The following RALY variants were observed in gnomAD, a reference collection of about 807,000 sequenced individuals.
RALY encodes the protein RALY heterogeneous nuclear ribonucleoprotein.
RALY carries 15 observed loss-of-function variants against 30.7 expected under a neutral mutation model. The ratio of observed to expected loss-of-function variants is 0.49; its 90% CI spans 0.33 to 0.75. The LOEUF is 0.75. RALY is among the 30% of genes least tolerant of loss of function. The probability of loss-of-function intolerance (pLI) is 0.02; values close to 1 mark genes in which losing one functional copy is unlikely to be tolerated. For missense variants in RALY, 339 were observed against 414.3 expected (o/e 0.82, Z 1.58); for synonymous variants, 177 against 170.8 (o/e 1.04, Z -0.28).
intron 1 of RALY, among the ~76,000 whole-genome samples, chr20:34,001,496 A>G (rs2122973269): frequency 6.6e-6 from 1 of 152,222 alleles, no homozygotes; most frequent in Middle Eastern, 3.4e-3. Context: ...TGGAAGCTTA[A>G]TGTTATTGGC....
chr20:34,052,852 G>C (rs1276341170), intron 2 of RALY, among the ~76,000 whole-genome samples: 1 of 152,064 alleles, frequency 6.6e-6, no homozygotes, highest in Non-Finnish European at 1.5e-5. Flanking sequence ...GATCCTGAGA[G>C]GGGTTTGAAG....
intron 2 of RALY, among the ~76,000 whole-genome samples, chr20:34,052,234 G>A (rs1286279764): frequency 6.6e-6 from 1 of 152,216 alleles, no homozygotes; most frequent in Non-Finnish European, 1.5e-5. Context: ...GGAACGAGTT[G>A]AGAGTGCAAT....
intron 3 of RALY, among the ~76,000 whole-genome samples, chr20:34,072,837 G>T (rs994578952): frequency 6.6e-6 from 1 of 152,054 alleles, no homozygotes; most frequent in African/African-American, 2.4e-5. Context: ...TTTGAAAAGG[G>T]GTATCTGTAT....
chr20:34,073,686 A>G (rs1389876841), intron 4 of RALY, 51 bp downstream of exon 4: 5 of 1,543,744 alleles, frequency 3.2e-6, no homozygotes, highest in Non-Finnish European at 4.5e-6. Context: ...CTCTCTTTCC[A>G]CAGAGGGAGT....
At position 34,072,222 on chromosome 20, in the gene RALY, G is replaced by A. The variant is rs757213955; in HGVS notation, c.148G>A (p.Gly50Ser). Residue 50 changes from glycine (G) to serine (S), a missense_variant, in exon 3 of 10, where the codon GGC becomes AGC. Physicochemically the swap from Gly to Ser is moderately conservative, Grantham distance 56 (BLOSUM62 0). Around this residue, in one of 2 missense-constraint regions of RALY, gnomAD observed 71 missense variants for 133.7 expected, o/e 0.53. Coordinates refer to ENST00000246194, the MANE Select transcript of RALY (RefSeq NM_016732.3). The stretch of plus-strand genomic sequence containing the variant: ...CTTCTCTAAGTATGGCCGTGTGGCC[G>A]GCTGTTCTGTGCACAAGGGCTATGC... ...TIFSKYGRVAGCSVHKGYAFV... is the reference protein window; with the variant it reads ...TIFSKYGRVASCSVHKGYAFV... 1.9e-6 allele frequency: 3 copies of A among 1,614,230 alleles called. No individual in the cohort carries two copies. Among genetic ancestry groups the A allele is most frequent in the South Asian group, 1.1e-5 (1 of 91,078 alleles).
chr20:34,008,626 G>A (rs887403111), intron 1 of RALY, among the ~76,000 whole-genome samples: 2 of 152,166 alleles, frequency 1.3e-5, no homozygotes, highest in African/African-American at 4.8e-5. Context: ...TATCTGGCCT[G>A]TGTACATATT....
chr20:33,996,651 ACATAAAATTTAC>A (rs1485488274), intron 1 of RALY, among the ~76,000 whole-genome samples: 2 of 152,128 alleles, frequency 1.3e-5, no homozygotes, highest in Non-Finnish European at 2.9e-5. Context: ...AATATATATA[ACATAAAATTTAC>A]CATTTAACCG....
intron 3 of RALY, 64 bp from the exon 4 acceptor site, chr20:34,073,499 A>T (rs1163872118): frequency 2.1e-6 from 3 of 1,429,004 alleles, no homozygotes; most frequent in African/African-American, 1.4e-5. Flanking sequence ...CGTGTGCATG[A>T]GGTTGATGTG....
intron 5 of RALY, 140 bp from the exon 6 acceptor site, chr20:34,075,734 G>A: frequency 1.0e-6 from 1 of 955,940 alleles, no homozygotes; most frequent in Non-Finnish European, 1.5e-6. Flanking sequence ...CTTCACTCCA[G>A]GGCTTGCTAG....
At chr20:34,070,227 C>T (rs960757339) in intron 2 of RALY, among the ~76,000 whole-genome samples, 2 of 152,108 alleles carry the variant, frequency 1.3e-5, no homozygotes, top group African/African-American at 4.8e-5. Context: ...CCTGAAATGG[C>T]CTTAAGGTTA....
chr20:34,019,258 G>A (rs1248025620), intron 1 of RALY, among the ~76,000 whole-genome samples: 2 of 152,088 alleles, frequency 1.3e-5, no homozygotes, highest in African/African-American at 4.8e-5. Flanking sequence ...CCCGAGAGGT[G>A]GAGGTTGCAG....
At chr20:34,027,117 C>A (rs546097813) in intron 1 of RALY, among the ~76,000 whole-genome samples, 1 of 152,250 alleles carries the variant, frequency 6.6e-6, no homozygotes, top group East Asian at 1.9e-4. Flanking sequence ...CCCACTCCCT[C>A]CACATCCCCC....
intron 2 of RALY, among the ~76,000 whole-genome samples, chr20:34,060,608 T>C (rs2033388516): frequency 6.6e-6 from 1 of 152,226 alleles, no homozygotes; most frequent in Admixed American, 6.5e-5. Context: ...CAAAAGGTCA[T>C]GTCAGCCAGT....
At chr20:34,018,833 T>C (rs2031707436) in intron 1 of RALY, among the ~76,000 whole-genome samples, 1 of 152,226 alleles carries the variant, frequency 6.6e-6, no homozygotes, top group Non-Finnish European at 1.5e-5. Flanking sequence ...TGATCCTTAC[T>C]ACATACCTTT....
rs983538194 is a variant in RALY, at chr20:34,081,204, T to A, written c.*1299T>A. On this transcript the variant is annotated 3_prime_UTR_variant, in exon 10 of 10. Coordinates refer to ENST00000246194, the MANE Select transcript of RALY (RefSeq NM_016732.3). Reference sequence around the variant, plus strand: ...CATAGGTTACAAGTACCTACCCTGGTCCAGTGAACTGCGGGATTCATATGT... The same window carrying A: ...CATAGGTTACAAGTACCTACCCTGGACCAGTGAACTGCGGGATTCATATGT... The A allele has an allele frequency of 6.6e-6, 1 of 152,170 alleles. No individual in the cohort carries two copies. The highest frequency in any genetic ancestry group is 2.4e-5 in the African/African-American group (1 of 41,440). The allele number at this position is 152,170 out of a possible 1,614,324, so 9.4% of individuals were successfully genotyped here.
intron 2 of RALY, among the ~76,000 whole-genome samples, chr20:34,034,801 C>T (rs2032415974): frequency 6.6e-6 from 1 of 151,898 alleles, no homozygotes; most frequent in African/African-American, 2.4e-5. Context: ...ATATTAATAC[C>T]ATCTAGGGGT....
chr20:34,037,003 C>T (rs1355485346), intron 2 of RALY, among the ~76,000 whole-genome samples: 1 of 151,888 alleles, frequency 6.6e-6, no homozygotes, highest in Non-Finnish European at 1.5e-5. Flanking sequence ...CTAGTTTGCT[C>T]TTTTCTAGTT....
chr20:34,032,057 G>T (rs926493935), intron 2 of RALY, among the ~76,000 whole-genome samples: 70 of 152,172 alleles, frequency 4.6e-4, no homozygotes, highest in Non-Finnish European at 8.4e-4. Context: ...CCGCCTCCCG[G>T]GTTCAAGCAA....
chr20:34,077,283 G>T, intron 8 of RALY, 38 bp downstream of exon 8: 3 of 1,610,596 alleles, frequency 1.9e-6, no homozygotes, highest in Non-Finnish European at 2.5e-6. Flanking sequence ...GGACTCGACT[G>T]TGCTCCTACT....
Sources: gnomAD v4.1 joint callset for allele counts (sites outside exome capture counted in the v4.1 genomes callset) on GRCh38, gnomAD v4.1.1 for gene constraint, gnomAD v4.1.1 regional missense constraint, MANE v1.5 for transcripts, NCBI Gene and HGNC (gene_info 2026-07-23, HGNC 2026-07-21) for gene names.